FIG4: variants seen among roughly 807,000 people sequenced by gnomAD.
FIG4 encodes the protein FIG4 phosphoinositide 5-phosphatase.
A neutral mutation model predicts 118.6 loss-of-function variants in FIG4; 112 were observed. The ratio of observed to expected loss-of-function variants is 0.94; its 90% CI spans 0.81 to 1.11. The LOEUF (loss-of-function observed/expected upper bound fraction) is 1.11, where lower values mean the gene tolerates loss of function less well. FIG4 is among the 50% of genes least tolerant of loss of function. FIG4 has a pLI of 0.00. For synonymous variants in FIG4, 369 were observed against 381.2 expected, an observed-to-expected ratio of 0.97 and a Z score of 0.37; for missense variants, 969 against 1,111.7, an observed-to-expected ratio of 0.87 and a Z score of 1.83.
In FIG4 at chr6:109,755,878, T is replaced by G. The variant is rs564249259; in HGVS notation, c.1138-4372T>G. Reference sequence around the variant, plus strand: ...TGAATACAGCACACTGATGGGTCTTTACTCTTTATCCAATTTGCCAGTCTG... The same window carrying G: ...TGAATACAGCACACTGATGGGTCTTGACTCTTTATCCAATTTGCCAGTCTG... On this transcript the variant is annotated intron_variant, in intron 10 of 22. Transcript: ENST00000230124. 2.2e-4 allele frequency among the ~76,000 whole-genome samples: 34 copies of G among 152,306 alleles called. No homozygotes were observed. In the East Asian group the frequency reaches 4.0e-3, roughly 18 times the overall value.
chr6:109,704,675 CAAAAAAAAAAA>C (rs36013882), intron 1 of FIG4, among the ~76,000 whole-genome samples: 2 of 67,818 alleles, frequency 2.9e-5, no homozygotes, highest in Non-Finnish European at 2.7e-5. Flanking sequence ...GACTCCATCT[CAAAAAAAAAAA>C]AAAAAAAAAA....
intron 21 of FIG4, among the ~76,000 whole-genome samples, chr6:109,794,384 A>T (rs906651119): frequency 2.6e-5 from 4 of 152,080 alleles, no homozygotes; most frequent in African/African-American, 9.7e-5. Context: ...TCTGCTTATG[A>T]TGCAGACCTT....
intron 10 of FIG4, among the ~76,000 whole-genome samples, chr6:109,745,154 C>A (rs1277734354): frequency 6.6e-6 from 1 of 152,074 alleles, no homozygotes. Context: ...TGGGTATATA[C>A]CCAGTAATGG....
intron 2 of FIG4, 25 bp downstream of exon 2, chr6:109,715,201 C>T (rs749103411): frequency 1.6e-6 from 2 of 1,257,554 alleles, no homozygotes; most frequent in East Asian, 4.6e-5. Flanking sequence ...AACCTGACTG[C>T]AAAAAAACTT....
At chr6:109,716,319 A>G (rs1387371559) in intron 2 of FIG4, 126 bp from the exon 3 acceptor site, 3 of 896,060 alleles carry the variant, frequency 3.3e-6, no homozygotes, top group Middle Eastern at 2.7e-4. Flanking sequence ...TTACTTGTGT[A>G]CTATTATATA....
intron 20 of FIG4, among the ~76,000 whole-genome samples, 186 bp from the exon 21 acceptor site, chr6:109,792,396 T>C (rs1332124045): frequency 1.3e-5 from 2 of 152,218 alleles, no homozygotes; most frequent in African/African-American, 4.8e-5. Flanking sequence ...GAATAAACTA[T>C]TTTTAGCAGA....
intron 22 of FIG4, among the ~76,000 whole-genome samples, chr6:109,804,296 G>A (rs1778506976): frequency 6.6e-6 from 1 of 152,126 alleles, no homozygotes; most frequent in Non-Finnish European, 1.5e-5. Context: ...GTGTATGGAA[G>A]GTGAGTGGGA....
At chr6:109,748,993 G>A (rs973451215) in intron 10 of FIG4, among the ~76,000 whole-genome samples, 2 of 151,900 alleles carry the variant, frequency 1.3e-5, no homozygotes, top group Non-Finnish European at 2.9e-5. Flanking sequence ...AAAGCTTGGG[G>A]TGGGGAAGAG....
chr6:109,791,152 A>G (rs1488388813), intron 19 of FIG4, among the ~76,000 whole-genome samples: 2 of 152,184 alleles, frequency 1.3e-5, no homozygotes, highest in Admixed American at 6.6e-5. Flanking sequence ...AGTAATTTTC[A>G]TTTATTTTTT....
intron 22 of FIG4, among the ~76,000 whole-genome samples, chr6:109,810,521 G>A (rs1382686206): frequency 6.6e-6 from 1 of 152,132 alleles, no homozygotes; most frequent in African/African-American, 2.4e-5. Context: ...TAATAATTGA[G>A]TGCTCACTCA....
intron 3 of FIG4, among the ~76,000 whole-genome samples, chr6:109,725,969 G>A (rs1775794943): frequency 6.6e-6 from 1 of 151,878 alleles, no homozygotes; most frequent in Non-Finnish European, 1.5e-5. Context: ...TTGTAAATTT[G>A]TTTAAGTTCC....
chr6:109,748,980 G>A (rs1776597448), intron 10 of FIG4, among the ~76,000 whole-genome samples: 1 of 151,936 alleles, frequency 6.6e-6, no homozygotes, highest in South Asian at 2.1e-4. Flanking sequence ...CCAGGATGGA[G>A]GCAAAGCTTG....
intron 22 of FIG4, among the ~76,000 whole-genome samples, chr6:109,817,639 AC>A: frequency 6.6e-6 from 1 of 152,206 alleles, no homozygotes; most frequent in Middle Eastern, 3.4e-3. Context: ...AAAGGCTAAA[AC>A]ATAAAAAGTG....
chr6:109,764,320 C>T (rs1030028892), intron 13 of FIG4, among the ~76,000 whole-genome samples: 2 of 151,962 alleles, frequency 1.3e-5, no homozygotes, highest in Non-Finnish European at 1.5e-5. Context: ...CACCTCTAGT[C>T]CCAGCTACTT....
At chr6:109,699,289 G>T (rs541426640) in intron 1 of FIG4, among the ~76,000 whole-genome samples, 24 of 152,016 alleles carry the variant, frequency 1.6e-4, no homozygotes, top group Non-Finnish European at 2.8e-4. Flanking sequence ...TAATCCTTTT[G>T]ATGTCTATAG....
At chr6:109,816,123 T>A (rs1778856702) in intron 22 of FIG4, among the ~76,000 whole-genome samples, 1 of 152,122 alleles carries the variant, frequency 6.6e-6, no homozygotes, top group Non-Finnish European at 1.5e-5. Context: ...TCCATTTGAA[T>A]GTAACAATAA....
chr6:109,704,868 TG>T (rs1215172078), intron 1 of FIG4, among the ~76,000 whole-genome samples: 1 of 151,834 alleles, frequency 6.6e-6, no homozygotes, highest in Non-Finnish European at 1.5e-5. Flanking sequence ...TATAGGGAGA[TG>T]GGGGGAAAAT....
At chr6:109,779,116 C>CA (rs1369724161) in intron 16 of FIG4, among the ~76,000 whole-genome samples, 1 of 151,890 alleles carries the variant, frequency 6.6e-6, no homozygotes, top group Non-Finnish European at 1.5e-5. Context: ...TTTTTGCTGA[C>CA]AAAAAATTTG....
intron 22 of FIG4, among the ~76,000 whole-genome samples, chr6:109,815,267 G>C (rs933916579): frequency 1.3e-5 from 2 of 151,866 alleles, no homozygotes; most frequent in African/African-American, 4.8e-5. Flanking sequence ...TCCACTCATG[G>C]AGACACCCAC....
Sources: allele counts gnomAD v4.1 joint callset (sites outside exome capture counted in the v4.1 genomes callset), GRCh38; gene constraint gnomAD v4.1.1; transcripts MANE v1.5; gene names NCBI Gene and HGNC (gene_info 2026-07-23, HGNC 2026-07-21).